Variants in SUGCT observed in about 807,000 individuals in gnomAD.
SUGCT encodes succinyl-CoA:glutarate CoA-transferase.
In SUGCT, 41 loss-of-function variants were observed where a neutral mutation model predicts 55.0. The observed-to-expected ratio is 0.74, with a 90% CI of 0.58 to 0.97. The LOEUF (loss-of-function observed/expected upper bound fraction) is 0.97. Among genes scored for constraint, SUGCT ranks in the 50% least tolerant of loss-of-function variants. The pLI, the probability that SUGCT is intolerant of heterozygous loss-of-function variation, is 0.00. For missense variants in SUGCT, 568 were observed against 547.8 expected, an observed-to-expected ratio of 1.04 and a Z score of -0.37; for synonymous variants, 187 against 200.4, an observed-to-expected ratio of 0.93 and a Z score of 0.56.
intron 1 of SUGCT, among the ~76,000 whole-genome samples, chr7:40,146,749 C>T (rs979922838): frequency 6.6e-6 from 1 of 152,196 alleles, no homozygotes; most frequent in Non-Finnish European, 1.5e-5. Context: ...AGCATGTCAC[C>T]GTGCTGCAGA....
In SUGCT at chr7:40,414,976, C is replaced by T. The variant is rs142088084; in HGVS notation, c.817-34311C>T. Among the ~76,000 whole-genome samples the T allele has an allele frequency of 5.0e-3, 733 of 146,494 alleles. 2 individuals carry two copies. The highest frequency in any genetic ancestry group is 8.6e-3 in the Admixed American group (122 of 14,260). On this transcript the variant is annotated intron_variant, in intron 9 of 13. Transcript: ENST00000335693. ...AGGAGAATTGCTAGAACTCTGGGGG[C>T]GGATGTTGCACTGAGCCGAGGTCAC...
At chr7:40,397,284 C>A (rs931115517) in intron 9 of SUGCT, among the ~76,000 whole-genome samples, 3 of 148,648 alleles carry the variant, frequency 2.0e-5, no homozygotes, top group African/African-American at 7.3e-5. Context: ...CTTTTACTGA[C>A]AAAATTCCAT....
intron 13 of SUGCT, among the ~76,000 whole-genome samples, chr7:40,851,719 A>G (rs1350943732): frequency 6.6e-6 from 1 of 152,224 alleles, no homozygotes; most frequent in Non-Finnish European, 1.5e-5. Flanking sequence ...ATTTATACCC[A>G]TGAAGTCCAT....
At chr7:40,226,746 A>G (rs1788387992) in intron 6 of SUGCT, among the ~76,000 whole-genome samples, 1 of 151,966 alleles carries the variant, frequency 6.6e-6, no homozygotes, top group South Asian at 2.1e-4. Flanking sequence ...TTTGCCCCAG[A>G]CCCATTTAGC....
intron 12 of SUGCT, among the ~76,000 whole-genome samples, chr7:40,581,671 A>G (rs1797099408): frequency 6.6e-6 from 1 of 152,214 alleles, no homozygotes; most frequent in Non-Finnish European, 1.5e-5. Context: ...GATATCTATC[A>G]AAGACCATTT....
At chr7:40,940,349 C>T in the SUGCT span, among the ~76,000 whole-genome samples, 133,947 of 152,134 alleles carry the variant, frequency 0.88, 59,098 homozygotes, top group African/African-American at 0.93. Context: ...TTAGGGTTGC[C>T]TTGGCTATTT....
At chr7:40,952,388 A>T in the SUGCT span, among the ~76,000 whole-genome samples, 1 of 152,138 alleles carries the variant, frequency 6.6e-6, no homozygotes, top group Non-Finnish European at 1.5e-5. Context: ...GCACACTGAT[A>T]GATCTTGACA....
chr7:40,839,348 T>C (rs1793159195), intron 13 of SUGCT, among the ~76,000 whole-genome samples: 2 of 152,154 alleles, frequency 1.3e-5, no homozygotes, highest in Admixed American at 1.3e-4. Flanking sequence ...GTTCAACTAA[T>C]CTTCCCACCT....
At chr7:40,627,941 C>G (rs1799600456) in intron 12 of SUGCT, among the ~76,000 whole-genome samples, 1 of 152,148 alleles carries the variant, frequency 6.6e-6, no homozygotes, top group Non-Finnish European at 1.5e-5. Context: ...ATGTGGCCTG[C>G]ATTTATTTGA....
intron 9 of SUGCT, among the ~76,000 whole-genome samples, chr7:40,383,928 G>A (rs935703460): frequency 6.6e-6 from 1 of 151,730 alleles, no homozygotes; most frequent in African/African-American, 2.4e-5. Context: ...ATCTCCCCCC[G>A]CTGCCCCACG....
intron 11 of SUGCT, among the ~76,000 whole-genome samples, chr7:40,490,132 G>C (rs1047746845): frequency 1.3e-5 from 2 of 152,202 alleles, no homozygotes; most frequent in African/African-American, 2.4e-5. Flanking sequence ...GAATCAATCT[G>C]AGGAAGACTC....
chr7:40,618,256 C>T (rs918190025), intron 12 of SUGCT, among the ~76,000 whole-genome samples: 7 of 152,180 alleles, frequency 4.6e-5, no homozygotes, highest in African/African-American at 1.4e-4. Flanking sequence ...CTCTACCCAC[C>T]GTCTTCTGCA....
chr7:40,869,377 A>AG, the SUGCT span, among the ~76,000 whole-genome samples: 1 of 152,174 alleles, frequency 6.6e-6, no homozygotes, highest in African/African-American at 2.4e-5. Context: ...AGGAGGTGAG[A>AG]GAAAACCCAA....
chr7:40,644,525 C>A (rs1037449119), intron 12 of SUGCT, among the ~76,000 whole-genome samples: 1 of 152,212 alleles, frequency 6.6e-6, no homozygotes, highest in Non-Finnish European at 1.5e-5. Context: ...ATTTTTTAAA[C>A]TTCCTACAGC....
chr7:40,256,230 G>A (rs1227863127), intron 7 of SUGCT, among the ~76,000 whole-genome samples: 2 of 152,114 alleles, frequency 1.3e-5, no homozygotes, highest in Non-Finnish European at 2.9e-5. Flanking sequence ...GACATTTTTG[G>A]GTTGTGGATT....
chr7:40,958,280 T>C, the SUGCT span, among the ~76,000 whole-genome samples: 50,474 of 151,854 alleles, frequency 0.33, 9,115 homozygotes, highest in Admixed American at 0.45. Flanking sequence ...TCATTCTCCC[T>C]GTCACTTTCA....
intron 12 of SUGCT, among the ~76,000 whole-genome samples, chr7:40,648,458 C>A (rs1023843027): frequency 6.6e-6 from 1 of 152,088 alleles, no homozygotes; most frequent in African/African-American, 2.4e-5. Flanking sequence ...GAACACAGTA[C>A]GTAGTTGTGA....
rs377215730 is a variant in SUGCT at position 40,324,261 on chromosome 7, A to ATATATATATATT, written c.816+7409_816+7410insATATATATTTAT. 6.9e-3 allele frequency among the ~76,000 whole-genome samples: 687 copies of ATATATATATATT among 99,908 alleles called. 29 individuals carry two copies. The highest frequency in any genetic ancestry group is 0.024 in the African/African-American group (604 of 25,128). 65.5% of individuals were successfully genotyped at this position (99,908 alleles called of 152,430 possible). The stretch of plus-strand genomic sequence containing the variant: ...AATAAATAAATAAATAAATATATAT[A>ATATATATATATT]TATTTATTTTTTGAGACAGAGTCTT... On this transcript the variant is annotated intron_variant, in intron 9 of 13. Transcript: ENST00000335693.
intron 9 of SUGCT, among the ~76,000 whole-genome samples, chr7:40,364,746 G>C (rs1187879299): frequency 1.3e-5 from 2 of 151,972 alleles, no homozygotes; most frequent in Non-Finnish European, 2.9e-5. Flanking sequence ...CCAATAACAG[G>C]CTCTGAAATT....
Sources: allele counts gnomAD v4.1 joint callset (sites outside exome capture counted in the v4.1 genomes callset), GRCh38; gene constraint gnomAD v4.1.1; transcripts MANE v1.5; gene names NCBI Gene and HGNC (gene_info 2026-07-23, HGNC 2026-07-21).